The following METTL4 variants were observed in gnomAD, a reference collection of about 807,000 sequenced individuals.
The protein encoded by METTL4 is methyltransferase 4, N6-adenosine.
METTL4 carries 40 observed loss-of-function variants against 54.0 expected under a neutral mutation model. The ratio of observed to expected loss-of-function variants is 0.74; its 90% CI spans 0.58 to 0.96. METTL4 has a LOEUF of 0.96. Among genes scored for constraint, METTL4 ranks in the 50% least tolerant of loss-of-function variants. The pLI, the probability that METTL4 is intolerant of heterozygous loss-of-function variation, is 0.00. For synonymous variants in METTL4, 169 were observed against 183.8 expected (o/e 0.92, Z 0.65); for missense variants, 525 against 549.0 (o/e 0.96, Z 0.44).
chr18:2,540,389 G>T, intron 8 of METTL4: 1 of 979,864 alleles, frequency 1.0e-6, no homozygotes, highest in African/African-American at 1.7e-5. Context: ...ATTTAGGAAT[G>T]ATAAGGGTTC....
In METTL4 at chr18:2,554,675, G is replaced by A. The variant is rs757131605; in HGVS notation, c.823C>T (p.Leu275=). The A allele has an allele frequency of 1.7e-5, 27 of 1,601,942 alleles. No individual in the cohort carries two copies. Among genetic ancestry groups the A allele is most frequent in the Non-Finnish European group, 2.1e-5 (25 of 1,177,200 alleles). ...LSDISCMQPL[L]NYRKTFDVIV... is the part of the protein sequence containing the mutation. ...AAACACAATAATTACTTACAGTTTA[G>A]AAGTGGTTGCATACAAGAAATGTCA... The change falls in exon 4 of 9, where the codon CTA becomes TTA. Residue 275 remains leucine, a synonymous_variant. Transcript: ENST00000574538.
intron 1 of METTL4, among the ~76,000 whole-genome samples, chr18:2,567,903 C>G (rs1023903508): frequency 6.6e-6 from 1 of 152,098 alleles, no homozygotes; most frequent in Non-Finnish European, 1.5e-5. Context: ...GCAATTTTAC[C>G]AGCACATCAG....
In METTL4 at chr18:2,539,046, T is replaced by C. The variant is rs750122660; in HGVS notation, c.1373A>G (p.Lys458Arg). The C allele has an allele frequency of 2.5e-6, 4 of 1,614,022 alleles. No individual in the cohort carries two copies. Among genetic ancestry groups the C allele is most frequent in the African/African-American group, 1.3e-5 (1 of 75,026 alleles). Residue 458 changes from lysine (K) to arginine (R), a missense_variant, in exon 9 of 9, where the codon AAA becomes AGA. Coordinates refer to ENST00000574538, the MANE Select transcript of METTL4 (RefSeq NM_022840.5). ...GWTSWGNEVL[K>R]FQHVDYFIAV... ...AATAAAATAATCCACATGCTGAAAT[T>C]TGAGAACTTCATTGCCCCAACTAGT... is the stretch of plus-strand genomic sequence containing the variant.
chr18:2,538,934 AC>A lies in METTL4; in HGVS notation c.*65del, dbSNP rs1485815823. 2.0e-6 allele frequency: 3 copies of A among 1,530,238 alleles called. No individual in the cohort carries two copies. The African/African-American group carries it at 4.2e-5, about 21-fold the overall frequency. 94.8% of individuals were successfully genotyped at this position (1,530,238 alleles called of 1,614,324 possible). On this transcript the variant is annotated 3_prime_UTR_variant, in exon 9 of 9. Coordinates refer to ENST00000574538, the MANE Select transcript of METTL4 (RefSeq NM_022840.5). ...GGGTTGGTAACAAAATAAAAAAATG[AC>A]TTAGAATTAAGGGAAAAGTGGTGAG...
intron 4 of METTL4, chr18:2,554,399 C>A (rs2072205852): frequency 8.9e-6 from 3 of 338,876 alleles, no homozygotes; most frequent in South Asian, 1.1e-4. Flanking sequence ...TGGTTAAACA[C>A]AACTGCATAC....
chr18:2,570,553 T>C (rs2072487783), intron 1 of METTL4, among the ~76,000 whole-genome samples: 1 of 152,208 alleles, frequency 6.6e-6, no homozygotes, highest in South Asian at 2.1e-4. Flanking sequence ...AAGTTTAACC[T>C]AACAGTATTC....
intron 3 of METTL4, among the ~76,000 whole-genome samples, chr18:2,555,876 C>A (rs1025435147): frequency 6.6e-6 from 1 of 151,814 alleles, no homozygotes; most frequent in Admixed American, 6.6e-5. Context: ...ACTTCAGATG[C>A]CATGCAGTGT....
intron 2 of METTL4, among the ~76,000 whole-genome samples, chr18:2,566,063 AAAT>A (rs1366109560): frequency 3.4e-4 from 50 of 147,390 alleles, no homozygotes; most frequent in African/African-American, 6.3e-4. Context: ...ATAAATAAAT[AAAT>A]AAATAAATAA....
intron 3 of METTL4, among the ~76,000 whole-genome samples, chr18:2,560,856 C>T (rs766917376): frequency 1.3e-5 from 2 of 151,954 alleles, no homozygotes; most frequent in Admixed American, 6.6e-5. Flanking sequence ...CCAGCCTGGG[C>T]GACAGAGCGA....
Position 2,561,009 on chromosome 18 carries a change from T to C in METTL4, c.459+2788A>G, listed in dbSNP as rs184474443. Among the ~76,000 whole-genome samples, 555 of 152,066 alleles carry C rather than the reference T, an allele frequency of 3.6e-3. 1 individual carries two copies. Among genetic ancestry groups the C allele is most frequent in the Non-Finnish European group, 5.9e-3 (403 of 67,970 alleles). ...ATCTATTCAGTCTCCTTCAATAGGA[T>C]CAATAGGTTCATGGAAAAAAATTTT... is the stretch of plus-strand genomic sequence containing the variant. On this transcript the variant is annotated intron_variant, in intron 3 of 8. Transcript: ENST00000574538.
At chr18:2,557,047 C>A (rs912278366) in intron 3 of METTL4, among the ~76,000 whole-genome samples, 2 of 151,986 alleles carry the variant, frequency 1.3e-5, no homozygotes, top group Non-Finnish European at 2.9e-5. Flanking sequence ...AAATCGATAG[C>A]CCCAGCAAAT....
At position 2,538,935 on chromosome 18, in the gene METTL4, C is replaced by T. The variant is rs1278961183; in HGVS notation, c.*65G>A. On this transcript the variant is annotated 3_prime_UTR_variant, in exon 9 of 9. Coordinates refer to ENST00000574538, the MANE Select transcript of METTL4 (RefSeq NM_022840.5). Reference sequence around the variant, plus strand: ...GGTTGGTAACAAAATAAAAAAATGACTTAGAATTAAGGGAAAAGTGGTGAG... The same window carrying T: ...GGTTGGTAACAAAATAAAAAAATGATTTAGAATTAAGGGAAAAGTGGTGAG... 1.2e-5 allele frequency: 19 copies of T among 1,536,052 alleles called. No individual in the cohort carries two copies. The highest frequency in any genetic ancestry group is 1.6e-5 in the Non-Finnish European group (18 of 1,135,716).
chr18:2,539,970 C>T (rs946553680), intron 8 of METTL4: 3 of 975,624 alleles, frequency 3.1e-6, no homozygotes, highest in African/African-American at 1.8e-5. Flanking sequence ...AATAACTAGC[C>T]CCCTTAGCAG....
At chr18:2,545,921 AACT>A (rs1358501790) in intron 6 of METTL4, among the ~76,000 whole-genome samples, 1 of 152,142 alleles carries the variant, frequency 6.6e-6, no homozygotes, top group Non-Finnish European at 1.5e-5. Flanking sequence ...TAGAACTGAT[AACT>A]ACTACGGATT....
rs928045018 is a variant in METTL4 at position 2,538,477 on chromosome 18, T to C, written c.*523A>G. ...TGGTGGCAGTGGTACTGTGGCAAAG[T>C]GGAGAGCACAAGGCTCTTCCCAAGT... On this transcript the variant is annotated 3_prime_UTR_variant, in exon 9 of 9. Transcript: ENST00000574538. 6.5e-6 allele frequency: 1 copy of C among 153,312 alleles called. No individual in the cohort carries two copies. The highest frequency in any genetic ancestry group is 1.5e-5 in the Non-Finnish European group (1 of 68,912). The allele number at this position is 153,312 out of a possible 1,614,324, so 9.5% of individuals were successfully genotyped here.
At chr18:2,569,786 C>G (rs921874630) in intron 1 of METTL4, among the ~76,000 whole-genome samples, 1 of 152,162 alleles carries the variant, frequency 6.6e-6, no homozygotes, top group Non-Finnish European at 1.5e-5. Flanking sequence ...GCTCCCTCCC[C>G]GTCAAGTCTC....
intron 5 of METTL4, among the ~76,000 whole-genome samples, chr18:2,548,929 C>T (rs764234103): frequency 6.6e-6 from 1 of 152,136 alleles, no homozygotes; most frequent in Non-Finnish European, 1.5e-5. Context: ...GAAGAAAATG[C>T]GGAAGAACTG....
At chr18:2,559,555 T>C (rs1333472387) in intron 3 of METTL4, among the ~76,000 whole-genome samples, 3 of 152,098 alleles carry the variant, frequency 2.0e-5, no homozygotes, top group Non-Finnish European at 4.4e-5. Flanking sequence ...CTAAAAATGG[T>C]TAAAACAGTA....
intron 8 of METTL4, chr18:2,539,836 GAAAAAC>G (rs143642694): frequency 0.44 from 404,756 of 916,098 alleles, 90,234 homozygotes; most frequent in African/African-American, 0.45. Flanking sequence ...AAAAAAAATT[GAAAAAC>G]AACCCATTTA....
Sources: gnomAD v4.1 joint callset for allele counts (sites outside exome capture counted in the v4.1 genomes callset) on GRCh38, gnomAD v4.1.1 for gene constraint, MANE v1.5 for transcripts, NCBI Gene and HGNC (gene_info 2026-07-23, HGNC 2026-07-21) for gene names.